The following PATJ variants were observed in gnomAD, a reference collection of about 807,000 sequenced individuals.
PATJ encodes the protein inaD-like protein.
PATJ carries 190 observed loss-of-function variants against 224.9 expected under a neutral mutation model. The ratio of observed to expected loss-of-function variants is 0.84; its 90% CI spans 0.75 to 0.95. The LOEUF (loss-of-function observed/expected upper bound fraction) is 0.95. Among genes scored for constraint, PATJ ranks in the 40% least tolerant of loss-of-function variants. PATJ has a pLI of 0.00. For synonymous variants in PATJ, 769 were observed against 820.3 expected (o/e 0.94, Z 1.07); for missense variants, 2,121 against 2,270.3 (o/e 0.93, Z 1.34).
chr1:61,938,147 T>C (rs1677174596), intron 27 of PATJ, among the ~76,000 whole-genome samples: 1 of 152,180 alleles, frequency 6.6e-6, no homozygotes, highest in Non-Finnish European at 1.5e-5. Flanking sequence ...TCCCACTAGA[T>C]GCTGATAGTA....
At chr1:61,929,006 G>T (rs534340253) in intron 27 of PATJ, among the ~76,000 whole-genome samples, 1 of 152,246 alleles carries the variant, frequency 6.6e-6, no homozygotes, top group East Asian at 1.9e-4. Flanking sequence ...CTTTTGTCTT[G>T]ATTGAGCCAC....
chr1:61,763,233 C>A (rs941556756), intron 3 of PATJ, 54 bp downstream of exon 3: 1 of 1,065,734 alleles, frequency 9.4e-7, no homozygotes, highest in South Asian at 2.3e-5. Flanking sequence ...ATATTCAAAC[C>A]ATCAAAGAAA....
intron 12 of PATJ, among the ~76,000 whole-genome samples, chr1:61,805,148 C>T (rs74076181): frequency 0.03 from 4,520 of 152,148 alleles, 177 homozygotes; most frequent in African/African-American, 0.094. Flanking sequence ...TACATATAAA[C>T]TGTATATAAT....
chr1:62,032,481 A>T (rs939428411), intron 29 of PATJ, among the ~76,000 whole-genome samples: 10 of 152,210 alleles, frequency 6.6e-5, no homozygotes, highest in Admixed American at 2.0e-4. Context: ...GTCAGCTGTG[A>T]CTTATCATAT....
chr1:62,056,786 T>TA (rs996059911), intron 31 of PATJ, among the ~76,000 whole-genome samples: 10 of 152,000 alleles, frequency 6.6e-5, no homozygotes, highest in African/African-American at 2.4e-4. Flanking sequence ...ATCTCAAAAA[T>TA]AAAAAATCAC....
At chr1:61,871,408 T>C (rs1305074417) in intron 20 of PATJ, among the ~76,000 whole-genome samples, 2 of 134,422 alleles carry the variant, frequency 1.5e-5, no homozygotes, top group Admixed American at 1.6e-4. Flanking sequence ...TATGTGTATA[T>C]ATATACATAT....
intron 43 of PATJ, among the ~76,000 whole-genome samples, chr1:62,160,061 A>G (rs534330770): frequency 6.6e-6 from 1 of 152,104 alleles, no homozygotes; most frequent in African/African-American, 2.4e-5. Flanking sequence ...CCTCATTTAG[A>G]GGATTCTTCT....
chr1:61,828,646 C>A (rs1318937117), intron 16 of PATJ, among the ~76,000 whole-genome samples: 1 of 152,112 alleles, frequency 6.6e-6, no homozygotes, highest in East Asian at 1.9e-4. Flanking sequence ...CCCACCTCAA[C>A]CCCCCAAAAT....
At chr1:62,159,150 A>G (rs935126223) in intron 43 of PATJ, among the ~76,000 whole-genome samples, 2 of 152,182 alleles carry the variant, frequency 1.3e-5, no homozygotes, top group Admixed American at 6.6e-5. Context: ...TCTTTAATAC[A>G]GTTGACACAT....
chr1:61,769,672 A>G lies in PATJ; in HGVS notation c.524+250A>G, dbSNP rs1398136208. Among the ~76,000 whole-genome samples the G allele has an allele frequency of 2.8e-4, 43 of 152,160 alleles. 1 individual carries two copies. The highest frequency in any genetic ancestry group is 2.4e-5 in the African/African-American group (1 of 41,440). On this transcript the variant is annotated intron_variant, in intron 5 of 43. Coordinates refer to ENST00000642238, the MANE Select transcript of PATJ (RefSeq NM_001350145.3). ...GAGATTCAGAGAGGTTCAGTGGTCAACCTATAGTCACAGAGCTGTTAATGC... is the reference window on the plus strand; with the variant it reads ...GAGATTCAGAGAGGTTCAGTGGTCAGCCTATAGTCACAGAGCTGTTAATGC...
chr1:61,939,270 G>A (rs552527207), intron 27 of PATJ, among the ~76,000 whole-genome samples: 2 of 147,884 alleles, frequency 1.4e-5, no homozygotes, highest in Admixed American at 6.8e-5. Context: ...AAACAATAAC[G>A]GACAATGATC....
At chr1:61,859,177 T>C (rs545026563) in intron 18 of PATJ, among the ~76,000 whole-genome samples, 1 of 152,320 alleles carries the variant, frequency 6.6e-6, no homozygotes, top group South Asian at 2.1e-4. Context: ...CAAGCAGTTT[T>C]AGGAAGTCTC....
At chr1:62,159,102 TTC>T (rs1163216292) in intron 43 of PATJ, among the ~76,000 whole-genome samples, 12 of 152,242 alleles carry the variant, frequency 7.9e-5, no homozygotes, top group Admixed American at 7.9e-4. Flanking sequence ...TGCCTAGTAA[TTC>T]TGATTTTATC....
At chr1:62,140,000 TCTGC>T (rs568306672) in intron 41 of PATJ, among the ~76,000 whole-genome samples, 2 of 152,128 alleles carry the variant, frequency 1.3e-5, no homozygotes, top group Non-Finnish European at 1.5e-5. Context: ...GCTCATGTGA[TCTGC>T]CTGCCTGGGC....
At chr1:62,104,941 C>T (rs937089645) in intron 33 of PATJ, among the ~76,000 whole-genome samples, 2 of 152,152 alleles carry the variant, frequency 1.3e-5, no homozygotes, top group South Asian at 2.1e-4. Context: ...CCACCCAACT[C>T]GGCCTCCCAA....
intron 27 of PATJ, among the ~76,000 whole-genome samples, chr1:61,977,909 A>T (rs992323712): frequency 2.4e-4 from 36 of 151,586 alleles, no homozygotes; most frequent in Admixed American, 1.1e-3. Context: ...ACTTAAAAAA[A>T]TTTTTTTAAT....
intron 12 of PATJ, among the ~76,000 whole-genome samples, chr1:61,803,520 A>G (rs980147942): frequency 1.3e-5 from 2 of 152,202 alleles, no homozygotes; most frequent in Non-Finnish European, 2.9e-5. Context: ...TGCTAAAACG[A>G]AAACCGGTAA....
chr1:61,801,908 T>C, intron 12 of PATJ, 139 bp downstream of exon 12: 1 of 546,648 alleles, frequency 1.8e-6, no homozygotes, highest in Non-Finnish European at 3.1e-6. Flanking sequence ...ATCAACTTTT[T>C]TTTTGAGACA....
chr1:62,128,215 G>A (rs1665924908), intron 40 of PATJ, 121 bp downstream of exon 40: 1 of 1,053,482 alleles, frequency 9.5e-7, no homozygotes, highest in Non-Finnish European at 1.4e-6. Context: ...CAGGCTGAGG[G>A]CAAGATGCAT....
Sources: gnomAD v4.1 joint callset for allele counts (sites outside exome capture counted in the v4.1 genomes callset) on GRCh38, gnomAD v4.1.1 for gene constraint, MANE v1.5 for transcripts, NCBI Gene and HGNC (gene_info 2026-07-23, HGNC 2026-07-21) for gene names.